Variants in TNRC6B observed in about 807,000 individuals in gnomAD.
The protein encoded by TNRC6B is trinucleotide repeat-containing gene 6B protein.
Under a neutral mutation model 203.6 loss-of-function variants are expected in TNRC6B, and 52 were observed. That is an observed-to-expected ratio of 0.26 (90% CI 0.20 to 0.32). The LOEUF is 0.32. Ranked by LOEUF, TNRC6B falls within the 10% of genes least tolerant of loss-of-function variation. The pLI, the probability that TNRC6B is intolerant of heterozygous loss-of-function variation, is 1.00. For synonymous variants in TNRC6B, 838 were observed against 845.7 expected, an observed-to-expected ratio of 0.99 and a Z score of 0.16; for missense variants, 1,923 against 2,286.2, an observed-to-expected ratio of 0.84 and a Z score of 3.24.
chr22:40,204,684 C>T (rs781018514), intron 1 of TNRC6B, among the ~76,000 whole-genome samples: 5 of 152,186 alleles, frequency 3.3e-5, no homozygotes, highest in African/African-American at 7.2e-5. Flanking sequence ...TGATGCTCTT[C>T]TGTGAGAATA....
intron 2 of TNRC6B, chr22:40,125,707 C>A: frequency 8.4e-7 from 1 of 1,190,648 alleles, no homozygotes; most frequent in Non-Finnish European, 1.2e-6. Context: ...TCAGTCTAAA[C>A]CTTTGAAAAA....
chr22:40,131,795 C>T (rs2068547237), intron 3 of TNRC6B, among the ~76,000 whole-genome samples: 1 of 152,200 alleles, frequency 6.6e-6, no homozygotes, highest in Non-Finnish European at 1.5e-5. Flanking sequence ...AAAGAGAGTT[C>T]TGCTATTGTT....
chr22:40,142,063 T>C (rs62236800), intron 3 of TNRC6B, among the ~76,000 whole-genome samples: 2 of 151,270 alleles, frequency 1.3e-5, no homozygotes, highest in Non-Finnish European at 3.0e-5. Flanking sequence ...CCTGGCCTTC[T>C]TGTTTTTGTT....
chr22:40,105,974 A>T (rs1017919985), intron 1 of TNRC6B, among the ~76,000 whole-genome samples: 1 of 152,198 alleles, frequency 6.6e-6, no homozygotes, highest in Non-Finnish European at 1.5e-5. Context: ...CCATTGTGGT[A>T]TATAATGGTG....
intron 9 of TNRC6B, among the ~76,000 whole-genome samples, chr22:40,279,416 G>C (rs547701797): frequency 6.6e-6 from 1 of 152,338 alleles, no homozygotes; most frequent in South Asian, 2.1e-4. Context: ...TTATAGAGTT[G>C]TGAAAGAAAA....
chr22:40,285,791 G>A, intron 12 of TNRC6B, 21 bp downstream of exon 12: 2 of 1,610,868 alleles, frequency 1.2e-6, no homozygotes, highest in Non-Finnish European at 1.7e-6. Flanking sequence ...TTACGTTCCT[G>A]TGATTCAAAA....
intron 21 of TNRC6B, among the ~76,000 whole-genome samples, chr22:40,320,262 A>G (rs985512225): frequency 6.6e-6 from 1 of 152,190 alleles, no homozygotes; most frequent in Non-Finnish European, 1.5e-5. Flanking sequence ...CGAGTGGATC[A>G]CAAGGTCAGG....
chr22:40,254,074 CTG>C (rs1249031107), intron 3 of TNRC6B, among the ~76,000 whole-genome samples: 2 of 152,130 alleles, frequency 1.3e-5, no homozygotes, highest in South Asian at 2.1e-4. Context: ...TTAAAAAAAA[CTG>C]TGAGAATTCT....
chr22:40,119,059 G>A (rs905488648), intron 2 of TNRC6B, among the ~76,000 whole-genome samples: 13 of 152,204 alleles, frequency 8.5e-5, no homozygotes, highest in African/African-American at 2.9e-4. Context: ...TGGAGAGACA[G>A]GCAAGGGCTG....
chr22:40,214,690 C>G (rs2069611397), intron 1 of TNRC6B, among the ~76,000 whole-genome samples: 2 of 152,032 alleles, frequency 1.3e-5, no homozygotes, highest in African/African-American at 4.8e-5. Context: ...GTAGCTAGAA[C>G]TACAGGCACA....
At chr22:40,210,464 T>C (rs180835128) in intron 1 of TNRC6B, among the ~76,000 whole-genome samples, 1 of 152,260 alleles carries the variant, frequency 6.6e-6, no homozygotes, top group South Asian at 2.1e-4. Context: ...AGTCTTTTTC[T>C]TAAAATTGGT....
At chr22:40,105,375 A>G (rs73424256) in intron 1 of TNRC6B, among the ~76,000 whole-genome samples, 8,690 of 152,286 alleles carry the variant, frequency 0.057, 798 homozygotes, top group African/African-American at 0.19. Context: ...TCTGAGGTTA[A>G]GAAATAGAAC....
chr22:40,079,302 T>C (rs2068046392), intron 1 of TNRC6B, among the ~76,000 whole-genome samples: 1 of 152,048 alleles, frequency 6.6e-6, no homozygotes, highest in Non-Finnish European at 1.5e-5. Flanking sequence ...GGCGAGTGGG[T>C]GTTACAGAGC....
intron 1 of TNRC6B, among the ~76,000 whole-genome samples, chr22:40,178,495 T>A (rs1022199949): frequency 6.6e-6 from 1 of 152,228 alleles, no homozygotes; most frequent in African/African-American, 2.4e-5. Context: ...TTAAATCTGC[T>A]GCAAAAATTT....
chr22:40,186,628 C>T (rs944089448), intron 1 of TNRC6B, among the ~76,000 whole-genome samples: 2 of 151,222 alleles, frequency 1.3e-5, no homozygotes, highest in Non-Finnish European at 2.9e-5. Flanking sequence ...ATCCCAACTA[C>T]TTGGGAGGCT....
intron 7 of TNRC6B, among the ~76,000 whole-genome samples, chr22:40,274,713 G>A (rs999080802): frequency 2.6e-5 from 4 of 152,106 alleles, no homozygotes; most frequent in African/African-American, 4.8e-5. Context: ...GAGCCTCTGC[G>A]CCCAGCCTAG....
In TNRC6B at chr22:40,067,196, A is replaced by G. The variant is rs185400680; in HGVS notation, c.-121+22198A>G. On this transcript the variant is annotated intron_variant, in intron 1 of 23. Coordinates refer to the TNRC6B transcript ENST00000301923. ...AGAAACTGATATCACTCTGTCAAAA[A>G]TATGTTGCATGATACAAAGTATGTA... Among the ~76,000 whole-genome samples, 141 of 152,292 alleles carry G rather than the reference A, an allele frequency of 9.3e-4. 1 individual carries two copies. The highest frequency in any genetic ancestry group is 5.8e-4 in the East Asian group (3 of 5,192).
chr22:40,334,083 G>A lies in TNRC6B; in HGVS notation c.*10842G>A, dbSNP rs557166997. The A allele has an allele frequency of 1.3e-5, 2 of 152,698 alleles. No individual in the cohort carries two copies. The highest frequency in any genetic ancestry group is 1.9e-4 in the East Asian group (1 of 5,168). The allele number at this position is 152,698 out of a possible 1,614,324, so 9.5% of individuals were successfully genotyped here. ...GGAATTTTATTTATTTTGTTTATCT[G>A]GAGGCCCTTTTTCTATCAGTCTCTG... is the stretch of plus-strand genomic sequence containing the variant. On this transcript the variant is annotated 3_prime_UTR_variant, in exon 23 of 23. Coordinates refer to ENST00000454349, the MANE Select transcript of TNRC6B (RefSeq NM_001162501.2).
chr22:40,169,200 C>T (rs1471430075), intron 4 of TNRC6B, among the ~76,000 whole-genome samples: 3 of 145,914 alleles, frequency 2.1e-5, no homozygotes, highest in Non-Finnish European at 4.5e-5. Context: ...GGCATGATCT[C>T]GGGTTACTGC....
Sources: gnomAD v4.1 joint callset for allele counts (sites outside exome capture counted in the v4.1 genomes callset) on GRCh38, gnomAD v4.1.1 for gene constraint, MANE v1.5 for transcripts, NCBI Gene and HGNC (gene_info 2026-07-23, HGNC 2026-07-21) for gene names.